Variants in PPP2R2B observed in about 807,000 individuals in gnomAD.
PPP2R2B encodes protein phosphatase 2 regulatory subunit Bbeta.
Under a neutral mutation model 46.0 loss-of-function variants are expected in PPP2R2B, and 5 were observed. The observed-to-expected ratio is 0.11, with a 90% CI of 0.06 to 0.23. PPP2R2B has a LOEUF of 0.23. Ranked by LOEUF, PPP2R2B falls within the 10% of genes least tolerant of loss-of-function variation. The probability of loss-of-function intolerance (pLI) is 1.00; values close to 1 mark genes in which losing one functional copy is unlikely to be tolerated. For synonymous variants in PPP2R2B, 215 were observed against 206.7 expected (o/e 1.04, Z -0.34); for missense variants, 367 against 575.0 (o/e 0.64, Z 3.70).
chr5:146,731,493 T>A (rs28528273), intron 2 of PPP2R2B, among the ~76,000 whole-genome samples: 3,785 of 152,330 alleles, frequency 0.025, 144 homozygotes, highest in African/African-American at 0.083. Context: ...TTCTGTATAT[T>A]CTTCTCCTTT....
intron 5 of PPP2R2B, among the ~76,000 whole-genome samples, chr5:146,689,394 A>G (rs1055184945): frequency 6.6e-6 from 1 of 152,188 alleles, no homozygotes; most frequent in Non-Finnish European, 1.5e-5. Flanking sequence ...TGTCTTTTCT[A>G]TGCTTAGATA....
intron 2 of PPP2R2B, among the ~76,000 whole-genome samples, chr5:146,713,561 T>C (rs1232348057): frequency 6.6e-6 from 1 of 152,178 alleles, no homozygotes; most frequent in African/African-American, 2.4e-5. Flanking sequence ...ACAGTGTTGA[T>C]AACAGACTGT....
chr5:146,749,715 C>T (rs1753430498), intron 2 of PPP2R2B, among the ~76,000 whole-genome samples: 7 of 150,352 alleles, frequency 4.7e-5, no homozygotes, highest in Non-Finnish European at 1.5e-5. Flanking sequence ...TGTCCTGCCT[C>T]AGCCTCCCGA....
At chr5:146,848,182 T>C (rs1359089749) in intron 2 of PPP2R2B, among the ~76,000 whole-genome samples, 2 of 152,186 alleles carry the variant, frequency 1.3e-5, no homozygotes, top group Non-Finnish European at 2.9e-5. Context: ...AAAAATAGAT[T>C]TAGATTGACA....
chr5:146,641,569 T>C (rs1288952586), intron 6 of PPP2R2B, among the ~76,000 whole-genome samples: 1 of 150,694 alleles, frequency 6.6e-6, no homozygotes, highest in African/African-American at 2.5e-5. Context: ...AGGGATTATT[T>C]GGATTTTTAC....
At chr5:146,761,081 T>C (rs1189110332) in intron 2 of PPP2R2B, among the ~76,000 whole-genome samples, 1 of 152,118 alleles carries the variant, frequency 6.6e-6, no homozygotes, top group African/African-American at 2.4e-5. Context: ...GTAAACTAGG[T>C]CAACCATTGT....
At chr5:146,897,519 C>T (rs1307844309) in intron 1 of PPP2R2B, among the ~76,000 whole-genome samples, 1 of 152,138 alleles carries the variant, frequency 6.6e-6, no homozygotes, top group African/African-American at 2.4e-5. Context: ...ATGAAACCCA[C>T]CAGTTGGTAA....
intron 2 of PPP2R2B, among the ~76,000 whole-genome samples, chr5:146,844,095 T>C (rs1430852998): frequency 6.6e-6 from 1 of 150,590 alleles, no homozygotes; most frequent in African/African-American, 2.4e-5. Context: ...CAGTAAACTA[T>C]CGCAAGAACA....
intron 1 of PPP2R2B, among the ~76,000 whole-genome samples, chr5:146,970,718 A>G (rs1752626610): frequency 6.6e-6 from 1 of 152,192 alleles, no homozygotes; most frequent in Admixed American, 6.6e-5. Flanking sequence ...TGTGGTGGTG[A>G]GGAACTTGCG....
At chr5:146,809,658 G>A (rs1345000381) in intron 2 of PPP2R2B, among the ~76,000 whole-genome samples, 3 of 152,198 alleles carry the variant, frequency 2.0e-5, no homozygotes, top group Non-Finnish European at 2.9e-5. Flanking sequence ...GAGGCTGTGG[G>A]CACACAGAGA....
chr5:147,077,309 CACCCACACCCACA>C (rs1561616456), intron 2 of PPP2R2B, among the ~76,000 whole-genome samples: 4 of 135,292 alleles, frequency 3.0e-5, no homozygotes, highest in African/African-American at 1.2e-4. Context: ...CACACACACA[CACCCACACCCACA>C]CCCCTAGCCC....
At chr5:146,701,327 G>A (rs1486612426) in intron 2 of PPP2R2B, 185 bp from the exon 3 acceptor site, 1 of 741,704 alleles carries the variant, frequency 1.3e-6, no homozygotes, top group Admixed American at 1.7e-5. Context: ...AAATTTCCTA[G>A]ATGCCCACAC....
chr5:146,634,054 A>G (rs1046943079), intron 7 of PPP2R2B, among the ~76,000 whole-genome samples: 1 of 152,192 alleles, frequency 6.6e-6, no homozygotes, highest in Admixed American at 6.5e-5. Flanking sequence ...TGGGCTGCCC[A>G]GATATTTGGC....
chr5:146,832,478 G>A (rs915102571), intron 2 of PPP2R2B, among the ~76,000 whole-genome samples: 3 of 125,234 alleles, frequency 2.4e-5, no homozygotes, highest in African/African-American at 6.0e-5. Flanking sequence ...CGCAACCTCC[G>A]CCTCCTGGGT....
chr5:146,645,792 T>C (rs1345691710), intron 6 of PPP2R2B, among the ~76,000 whole-genome samples: 1 of 152,206 alleles, frequency 6.6e-6, no homozygotes, highest in Non-Finnish European at 1.5e-5. Context: ...ATTCAGAGAC[T>C]GGACTTCTGA....
chr5:147,040,822 A>C (rs1309956117), intron 1 of PPP2R2B: 2 of 438,734 alleles, frequency 4.6e-6, no homozygotes, highest in Non-Finnish European at 9.0e-6. Context: ...AAAAAAAAAA[A>C]AACTGTAAAA....
intron 2 of PPP2R2B, among the ~76,000 whole-genome samples, chr5:146,827,999 AAGAGAGAG>A (rs35087951): frequency 5.1e-4 from 76 of 148,808 alleles, no homozygotes; most frequent in African/African-American, 1.7e-3. Flanking sequence ...GGCCTAGTTG[AAGAGAGAG>A]AGAGAGAGAG....
In PPP2R2B at chr5:146,646,232, C is replaced by T. The variant is rs980209801; in HGVS notation, c.625+4315G>A. Among the ~76,000 whole-genome samples the T allele has an allele frequency of 2.6e-5, 4 of 152,120 alleles. No homozygotes were observed. The East Asian group carries it at 7.7e-4, about 29-fold the overall frequency. ...TTGAGGGCTAGTCTTTATTTTTACT[C>T]GATATGGGCCTATTTAATAGATCCC... is the stretch of plus-strand genomic sequence containing the variant. On this transcript the variant is annotated intron_variant, in intron 6 of 9. Coordinates refer to ENST00000394411, the MANE Select transcript of PPP2R2B (RefSeq NM_181675.4).
intron 1 of PPP2R2B, among the ~76,000 whole-genome samples, chr5:147,014,982 A>T (rs1045159068): frequency 6.6e-6 from 1 of 150,394 alleles, no homozygotes; most frequent in African/African-American, 2.5e-5. Context: ...TTCCCAAATT[A>T]AAAAAAAATC....
Sources: allele counts gnomAD v4.1 joint callset (sites outside exome capture counted in the v4.1 genomes callset), GRCh38; gene constraint gnomAD v4.1.1; transcripts MANE v1.5; gene names NCBI Gene and HGNC (gene_info 2026-07-23, HGNC 2026-07-21).